VSIG1: variants seen among roughly 807,000 people sequenced by gnomAD.
VSIG1 encodes the protein V-set and immunoglobulin domain-containing protein 1.
Under a neutral mutation model 20.1 loss-of-function variants are expected in VSIG1, and 11 were observed. That is an observed-to-expected ratio of 0.55 (90% CI 0.34 to 0.91). The LOEUF is 0.91. Among genes scored for constraint, VSIG1 ranks in the 40% least tolerant of loss-of-function variants. The pLI, the probability that VSIG1 is intolerant of heterozygous loss-of-function variation, is 0.02. For synonymous variants in VSIG1, 126 were observed against 116.7 expected, an observed-to-expected ratio of 1.08 and a Z score of -0.52; for missense variants, 283 against 298.8, an observed-to-expected ratio of 0.95 and a Z score of 0.39.
rs138584808 is a variant in VSIG1 at position 108,056,837 on chromosome X, T to C, written c.50-1201T>C. On this transcript the variant is annotated intron_variant, in intron 1 of 6. Transcript: ENST00000217957. ...TCTGGAAAACAGCCTGGCTGGTTTTTTAAAATAAAATAAAATATGCAACTG... is the reference window on the plus strand; with the variant it reads ...TCTGGAAAACAGCCTGGCTGGTTTTCTAAAATAAAATAAAATATGCAACTG... Among the ~76,000 whole-genome samples the C allele has an allele frequency of 2.7e-3, 304 of 112,036 alleles. 1 individual carries two copies. Among genetic ancestry groups the C allele is most frequent in the African/African-American group, 9.6e-3 (297 of 30,903 alleles).
At chrX:108,036,911 A>G in the VSIG1 span, among the ~76,000 whole-genome samples, 1 of 111,923 alleles carries the variant, frequency 8.9e-6, no homozygotes, top group Admixed American at 9.5e-5. Flanking sequence ...CTGCATAACA[A>G]CATCACAGAG....
the VSIG1 span, among the ~76,000 whole-genome samples, chrX:108,037,472 TCTTTA>T: frequency 3.6e-5 from 4 of 111,784 alleles, no homozygotes; most frequent in African/African-American, 1.3e-4. Flanking sequence ...GACAGTAGCC[TCTTTA>T]CTTTATGATT....
At chrX:108,072,616 G>T in intron 3 of VSIG1, 61 bp from the exon 4 acceptor site, 1 of 1,041,244 alleles carries the variant, frequency 9.6e-7, no homozygotes, top group Non-Finnish European at 1.3e-6. Flanking sequence ...GGAAGTGACT[G>T]CAATTGTCAC....
the VSIG1 span, among the ~76,000 whole-genome samples, chrX:108,030,694 G>A: frequency 6.2e-5 from 7 of 112,020 alleles, no homozygotes; most frequent in African/African-American, 1.6e-4. Flanking sequence ...TGTGACTGTG[G>A]TCTTGTCCCA....
At chrX:108,023,819 T>C in the VSIG1 span, among the ~76,000 whole-genome samples, 1 of 112,118 alleles carries the variant, frequency 8.9e-6, no homozygotes, top group East Asian at 2.8e-4. Context: ...AGAGCCTTTA[T>C]TGGAGTTTCC....
intron 2 of VSIG1, 141 bp downstream of exon 2, chrX:108,058,342 A>G: frequency 1.8e-6 from 1 of 556,705 alleles, no homozygotes; most frequent in Non-Finnish European, 2.8e-6. Flanking sequence ...GTTTGAAGAC[A>G]GCTGTATAGA....
chrX:108,045,964 G>A (rs942706420), intron 1 of VSIG1, among the ~76,000 whole-genome samples: 3 of 111,466 alleles, frequency 2.7e-5, no homozygotes, highest in Non-Finnish European at 3.8e-5. Context: ...TTTACTAGGC[G>A]TATTAATGAC....
the VSIG1 span, among the ~76,000 whole-genome samples, chrX:108,020,182 A>G: frequency 8.9e-6 from 1 of 111,934 alleles, no homozygotes; most frequent in Non-Finnish European, 1.9e-5. Flanking sequence ...TATATCTTGT[A>G]GGTGATGTTT....
At chrX:108,023,903 A>G in the VSIG1 span, among the ~76,000 whole-genome samples, 7 of 111,593 alleles carry the variant, frequency 6.3e-5, no homozygotes, top group Non-Finnish European at 1.3e-4. Context: ...GGGTTTTTGG[A>G]CATAGGAACG....
rs750998091 is a variant in VSIG1, at chrX:108,073,382, T to C, written c.688+13T>C. The C allele has an allele frequency of 8.7e-5, 105 of 1,207,057 alleles. No homozygotes were observed. Among genetic ancestry groups the C allele is most frequent in the Non-Finnish European group, 1.0e-4 (91 of 893,828 alleles). On this transcript the variant is annotated intron_variant, in intron 5 of 6. Transcript: ENST00000217957. ...CTCACTTCTTCACGTGAGTTGACCATACAACTTTAACGGTTTCTCCTTAAA... is the reference window on the plus strand; with the variant it reads ...CTCACTTCTTCACGTGAGTTGACCACACAACTTTAACGGTTTCTCCTTAAA...
chrX:108,070,477 A>T (rs2031216861), intron 3 of VSIG1, among the ~76,000 whole-genome samples: 2 of 112,450 alleles, frequency 1.8e-5, no homozygotes, highest in African/African-American at 6.5e-5. Flanking sequence ...AAGCAAAAAA[A>T]ATGCCTATCT....
chrX:108,033,116 T>C, the VSIG1 span, among the ~76,000 whole-genome samples: 1 of 111,296 alleles, frequency 9.0e-6, no homozygotes, highest in Non-Finnish European at 1.9e-5. Context: ...GACCAGGCTG[T>C]GCACCTCCGC....
chrX:108,029,491 C>T, the VSIG1 span, among the ~76,000 whole-genome samples: 3 of 112,122 alleles, frequency 2.7e-5, no homozygotes, highest in South Asian at 7.4e-4. Flanking sequence ...ATGTGGTCTG[C>T]CAGCCTGTTT....
At chrX:108,028,072 C>G in the VSIG1 span, among the ~76,000 whole-genome samples, 1 of 111,582 alleles carries the variant, frequency 9.0e-6, no homozygotes, top group East Asian at 2.8e-4. Flanking sequence ...CCATCCAAGG[C>G]AGAAGCTCAG....
the VSIG1 span, among the ~76,000 whole-genome samples, chrX:108,018,995 G>A: frequency 4.5e-5 from 5 of 111,835 alleles, no homozygotes; most frequent in East Asian, 8.4e-4. Context: ...TAATTCTGGG[G>A]CCTCCAGGTG....
At chrX:108,065,167 T>TA (rs1375993119) in intron 2 of VSIG1, among the ~76,000 whole-genome samples, 1 of 112,316 alleles carries the variant, frequency 8.9e-6, no homozygotes, top group Non-Finnish European at 1.9e-5. Flanking sequence ...GCCTTAGTTT[T>TA]AAAATATATT....
At chrX:108,072,180 A>G (rs1369897705) in intron 3 of VSIG1, among the ~76,000 whole-genome samples, 1 of 110,154 alleles carries the variant, frequency 9.1e-6, no homozygotes, top group African/African-American at 3.3e-5. Context: ...CTTGACTAGA[A>G]GGGCCCTGCA....
upstream of VSIG1, among the ~76,000 whole-genome samples, chrX:108,044,667 A>G (rs924775131): frequency 9.0e-6 from 1 of 111,655 alleles, no homozygotes; most frequent in African/African-American, 3.3e-5. Flanking sequence ...ACGATATAGT[A>G]CCAATTTACT....
chrX:108,070,815 G>A (rs930180132), intron 3 of VSIG1, among the ~76,000 whole-genome samples: 1 of 112,132 alleles, frequency 8.9e-6, no homozygotes, highest in African/African-American at 3.2e-5. Flanking sequence ...AAAGACACAT[G>A]CTTAAAAGAT....
Sources: gnomAD v4.1 joint callset for allele counts (sites outside exome capture counted in the v4.1 genomes callset) on GRCh38, gnomAD v4.1.1 for gene constraint, MANE v1.5 for transcripts, NCBI Gene and HGNC (gene_info 2026-07-23, HGNC 2026-07-21) for gene names.